The following TMC1 variants were observed in gnomAD, a reference collection of about 807,000 sequenced individuals.
TMC1 encodes the protein transmembrane channel-like protein 1.
In TMC1, 84 loss-of-function variants were observed where a neutral mutation model predicts 105.8. The observed-to-expected ratio is 0.79, with a 90% CI of 0.67 to 0.95. The LOEUF is 0.95. Ranked by LOEUF, TMC1 falls within the 40% of genes least tolerant of loss-of-function variation. The pLI is 0.00. For synonymous variants in TMC1, 315 were observed against 311.5 expected (o/e 1.01, Z -0.12); for missense variants, 817 against 914.1 (o/e 0.89, Z 1.37).
chr9:72,820,430 T>C (rs375195206), intron 19 of TMC1, among the ~76,000 whole-genome samples: 1 of 152,160 alleles, frequency 6.6e-6, no homozygotes. Context: ...AGAAGTGACT[T>C]TAAGGGTTAA....
chr9:72,725,026 G>A (rs1175474637), intron 8 of TMC1, among the ~76,000 whole-genome samples: 1 of 151,910 alleles, frequency 6.6e-6, no homozygotes, highest in Non-Finnish European at 1.5e-5. Flanking sequence ...TGTCCTTGCT[G>A]TTTTGGGGAA....
rs1299626539 is a variant in TMC1 at position 72,574,015 on chromosome 9, T to C, written c.-427-3887T>C. On this transcript the variant is annotated intron_variant, in intron 1 of 23. Transcript: ENST00000297784. ...TGTTCATAAGTTCTCATAATTTAGC[T>C]CCCACTTATATGTGAGAACACGCAG... 3.9e-5 allele frequency among the ~76,000 whole-genome samples: 6 copies of C among 152,210 alleles called. No individual in the cohort carries two copies. In the South Asian group the frequency reaches 6.2e-4, roughly 16 times the overall value.
At chr9:72,606,982 C>CATATAT (rs144223921) in intron 2 of TMC1, among the ~76,000 whole-genome samples, 58 of 142,062 alleles carry the variant, frequency 4.1e-4, no homozygotes, top group African/African-American at 1.4e-3. Context: ...TGTGTGTGTG[C>CATATAT]ATATATATAT....
At chr9:72,625,926 A>G (rs1475972153) in intron 3 of TMC1, among the ~76,000 whole-genome samples, 4 of 152,172 alleles carry the variant, frequency 2.6e-5, no homozygotes, top group Non-Finnish European at 5.9e-5. Flanking sequence ...AGAGAATGAC[A>G]TGGCTTAGCT....
intron 13 of TMC1, among the ~76,000 whole-genome samples, chr9:72,776,023 A>C (rs1274086130): frequency 6.6e-6 from 1 of 152,214 alleles, no homozygotes; most frequent in Non-Finnish European, 1.5e-5. Context: ...CTCTACCTCC[A>C]ACATTGAGAT....
chr9:72,686,929 T>A (rs1206090521), intron 5 of TMC1, among the ~76,000 whole-genome samples: 1 of 152,214 alleles, frequency 6.6e-6, no homozygotes, highest in East Asian at 1.9e-4. Flanking sequence ...TATAAACTAT[T>A]CCTTCTGTGC....
chr9:72,651,029 T>C (rs1825805967), intron 5 of TMC1: 1 of 147,048 alleles, frequency 6.8e-6, no homozygotes, highest in Non-Finnish European at 1.5e-5. Context: ...CGTTCTTGTT[T>C]TATGGCTGCG....
intron 1 of TMC1, among the ~76,000 whole-genome samples, chr9:72,560,773 C>T (rs1006363628): frequency 4.0e-5 from 6 of 151,872 alleles, no homozygotes; most frequent in East Asian, 3.9e-4. Flanking sequence ...CATGAGCCAC[C>T]GCGCCCGGCC....
rs1827944587 is a variant in TMC1 at position 72,772,479 on chromosome 9, A to G, written c.808A>G (p.Asn270Asp). Residue 270 changes from asparagine (N) to aspartate (D), a missense_variant, in exon 13 of 24, where the codon AAT becomes GAT. Coordinates refer to ENST00000297784, the MANE Select transcript of TMC1 (RefSeq NM_138691.3). ...YDNKRTIGWMNFRLPLSYFLV... is the reference protein window; with the variant it reads ...YDNKRTIGWMDFRLPLSYFLV... ...CAATAAACGAACAATTGGATGGATG[A>G]ATTTCAGGTTGCCGCTCTCCTATTT... 1 of 1,613,956 alleles carries G rather than the reference A, an allele frequency of 6.2e-7. No individual in the cohort carries two copies.
intron 1 of TMC1, among the ~76,000 whole-genome samples, chr9:72,532,093 G>A (rs561461472): frequency 2.6e-5 from 4 of 152,032 alleles, no homozygotes; most frequent in African/African-American, 4.8e-5. Flanking sequence ...CAGCATGCCC[G>A]GCTAATTTTG....
chr9:72,790,173 G>C (rs776707549), intron 15 of TMC1, among the ~76,000 whole-genome samples: 1 of 152,174 alleles, frequency 6.6e-6, no homozygotes, highest in African/African-American at 2.4e-5. Flanking sequence ...GATTTAGGCT[G>C]TGGGAAGTGT....
intron 5 of TMC1, among the ~76,000 whole-genome samples, chr9:72,685,078 A>G (rs1472977933): frequency 6.7e-6 from 1 of 148,632 alleles, no homozygotes; most frequent in Non-Finnish European, 1.5e-5. Flanking sequence ...ATAATCTCAA[A>G]CCTTACTGTT....
intron 1 of TMC1, among the ~76,000 whole-genome samples, chr9:72,543,810 C>G (rs1823717884): frequency 6.6e-6 from 1 of 151,978 alleles, no homozygotes; most frequent in African/African-American, 2.4e-5. Flanking sequence ...CTGTGTTGCC[C>G]AGACTGGTCT....
intron 12 of TMC1, among the ~76,000 whole-genome samples, chr9:72,771,463 A>G (rs1038345273): frequency 6.6e-6 from 1 of 152,102 alleles, no homozygotes; most frequent in Non-Finnish European, 1.5e-5. Flanking sequence ...GTGAGTGTCA[A>G]AGTCCCTGGG....
At chr9:72,758,876 T>G (rs929842902) in intron 12 of TMC1, among the ~76,000 whole-genome samples, 3 of 151,618 alleles carry the variant, frequency 2.0e-5, no homozygotes. Flanking sequence ...TGCTTAGTGC[T>G]ATGATATTTC....
chr9:72,540,974 A>G (rs1425736087), intron 1 of TMC1, among the ~76,000 whole-genome samples: 2 of 152,202 alleles, frequency 1.3e-5, no homozygotes, highest in African/African-American at 4.8e-5. Flanking sequence ...AATCATCAAT[A>G]CTACCCAGCT....
chr9:72,709,614 A>G (rs1445718649), intron 8 of TMC1, among the ~76,000 whole-genome samples: 3 of 152,096 alleles, frequency 2.0e-5, no homozygotes. Context: ...GCAGGAATTT[A>G]TTCATCTCTT....
intron 8 of TMC1, 33 bp from the exon 9 acceptor site, chr9:72,740,086 C>CTTT: frequency 6.4e-7 from 1 of 1,562,724 alleles, no homozygotes; most frequent in Non-Finnish European, 8.8e-7. Context: ...AACTCACCTC[C>CTTT]TTTTATCCCT....
chr9:72,648,981 G>A (rs561743538), intron 5 of TMC1, among the ~76,000 whole-genome samples: 2 of 152,292 alleles, frequency 1.3e-5, no homozygotes, highest in South Asian at 2.1e-4. Flanking sequence ...ACTCAAATGC[G>A]GGCTTTATTC....
Sources: gnomAD v4.1 joint callset for allele counts (sites outside exome capture counted in the v4.1 genomes callset) on GRCh38, gnomAD v4.1.1 for gene constraint, MANE v1.5 for transcripts, NCBI Gene and HGNC (gene_info 2026-07-23, HGNC 2026-07-21) for gene names.